Variants in ME1 observed in about 807,000 individuals in gnomAD.
ME1 encodes malic enzyme 1, also known as NADP-dependent malic enzyme.
In ME1, 74 loss-of-function variants were observed where a neutral mutation model predicts 66.4. The ratio of observed to expected loss-of-function variants is 1.11; its 90% CI spans 0.92 to 1.35. The LOEUF (loss-of-function observed/expected upper bound fraction) is 1.35. Among genes scored for constraint, ME1 ranks in the 40% most tolerant of loss-of-function variants. ME1 has a pLI of 0.00. For synonymous variants in ME1, 251 were observed against 235.6 expected (o/e 1.07, Z -0.60); for missense variants, 750 against 694.1 (o/e 1.08, Z -0.90).
chr6:83,425,358 A>G (rs1461568328), intron 1 of ME1, among the ~76,000 whole-genome samples: 3 of 152,138 alleles, frequency 2.0e-5, no homozygotes, highest in Non-Finnish European at 4.4e-5. Context: ...TTCTCATGCT[A>G]CTAATAAAGA....
At chr6:83,344,585 A>G (rs1349539407) in intron 5 of ME1, among the ~76,000 whole-genome samples, 2 of 152,058 alleles carry the variant, frequency 1.3e-5, no homozygotes, top group Non-Finnish European at 2.9e-5. Flanking sequence ...CCCTGTCTTA[A>G]AGAAAATAAA....
At chr6:83,357,902 C>CCTCTCTCTCTCTCTCTCTCTCTCTCT (rs1051682306) in intron 3 of ME1, among the ~76,000 whole-genome samples, 3 of 31,560 alleles carry the variant, frequency 9.5e-5, no homozygotes, top group African/African-American at 1.4e-4. Flanking sequence ...AATAAACTCC[C>CCTCTCTCTCTCTCTCTCTCTCTCTCT]CTCTCTCTCT....
At chr6:83,235,153 T>G (rs1396937772) in intron 9 of ME1, among the ~76,000 whole-genome samples, 1 of 152,216 alleles carries the variant, frequency 6.6e-6, no homozygotes, top group Admixed American at 6.5e-5. Context: ...ACACGTTGTC[T>G]TGATATCTTC....
intron 5 of ME1, among the ~76,000 whole-genome samples, chr6:83,333,314 C>T (rs1231645830): frequency 2.0e-5 from 3 of 152,084 alleles, no homozygotes; most frequent in Admixed American, 1.3e-4. Flanking sequence ...AACATTTTGA[C>T]TAAAATCAGT....
In ME1 at chr6:83,222,623, C is replaced by T. The variant is rs1371765060; in HGVS notation, c.1449+1137G>A. On this transcript the variant is annotated intron_variant, in intron 12 of 13. Coordinates refer to ENST00000369705, the MANE Select transcript of ME1 (RefSeq NM_002395.6). ...CATCAACCTGATGATTATCAAAAAG[C>T]TCATGATTTTATAAATATATGCCCA... Among the ~76,000 whole-genome samples, 4 of 152,252 alleles carry T rather than the reference C, an allele frequency of 2.6e-5. No individual in the cohort carries two copies. The South Asian group carries it at 6.2e-4, about 24-fold the overall frequency.
At chr6:83,265,245 T>C (rs1766968520) in intron 6 of ME1, among the ~76,000 whole-genome samples, 1 of 152,210 alleles carries the variant, frequency 6.6e-6, no homozygotes. Context: ...CATAATGCTA[T>C]TGCATACTTA....
chr6:83,347,861 A>T (rs1583393776), intron 4 of ME1, among the ~76,000 whole-genome samples: 1 of 152,188 alleles, frequency 6.6e-6, no homozygotes, highest in East Asian at 1.9e-4. Context: ...TAACTGAAAA[A>T]TCAGAGAACT....
At chr6:83,314,992 G>C (rs909540996) in intron 6 of ME1, among the ~76,000 whole-genome samples, 1 of 152,112 alleles carries the variant, frequency 6.6e-6, no homozygotes, top group Non-Finnish European at 1.5e-5. Flanking sequence ...GTCGATAAAT[G>C]TAAAAAGGTT....
At chr6:83,289,812 C>G (rs774726064) in intron 6 of ME1, among the ~76,000 whole-genome samples, 3 of 152,094 alleles carry the variant, frequency 2.0e-5, no homozygotes, top group Non-Finnish European at 4.4e-5. Context: ...ATTTCAGAAC[C>G]TGTTATTGGT....
intron 5 of ME1, among the ~76,000 whole-genome samples, chr6:83,332,868 G>A (rs1432146795): frequency 1.3e-5 from 2 of 151,856 alleles, no homozygotes; most frequent in East Asian, 1.9e-4. Flanking sequence ...ATTCATCCGT[G>A]TAACCAAAAA....
chr6:83,416,202 C>T (rs1022495111), intron 1 of ME1, among the ~76,000 whole-genome samples: 1 of 152,144 alleles, frequency 6.6e-6, no homozygotes, highest in African/African-American at 2.4e-5. Context: ...GTGTGTTTCA[C>T]TGGGTTGTTG....
At chr6:83,323,816 T>C (rs1471291682) in intron 5 of ME1, among the ~76,000 whole-genome samples, 1 of 152,186 alleles carries the variant, frequency 6.6e-6, no homozygotes, top group Non-Finnish European at 1.5e-5. Flanking sequence ...GGACTTGAAC[T>C]CAGCTTTGGA....
At chr6:83,356,096 G>A (rs1270002498) in intron 3 of ME1, among the ~76,000 whole-genome samples, 1 of 152,024 alleles carries the variant, frequency 6.6e-6, no homozygotes, top group Non-Finnish European at 1.5e-5. Flanking sequence ...ATCCCTAAAA[G>A]TTTATTTCGT....
Position 83,406,968 on chromosome 6 carries a change from T to TCATA in ME1, c.212+796_212+799dup, listed in dbSNP as rs1343038507. 6.8e-5 allele frequency among the ~76,000 whole-genome samples: 8 copies of TCATA among 117,104 alleles called. No individual in the cohort carries two copies. In the Admixed American group the frequency reaches 7.8e-4, roughly 11 times the overall value. 76.8% of individuals were successfully genotyped at this position (117,104 alleles called of 152,430 possible). On this transcript the variant is annotated intron_variant, in intron 2 of 13. Coordinates refer to ENST00000369705, the MANE Select transcript of ME1 (RefSeq NM_002395.6). ...TATCCATTTATATTTATATTTTCAT[T>TCATA]CATACACACACACACACACACACAC...
At chr6:83,368,048 G>T (rs1311426017) in intron 3 of ME1, among the ~76,000 whole-genome samples, 1 of 152,036 alleles carries the variant, frequency 6.6e-6, no homozygotes, top group African/African-American at 2.4e-5. Context: ...CAACACTGTT[G>T]TGTGTCTGGG....
chr6:83,222,918 C>CA (rs1583325810), intron 12 of ME1, among the ~76,000 whole-genome samples: 1 of 152,218 alleles, frequency 6.6e-6, no homozygotes, highest in East Asian at 1.9e-4. Context: ...AAGGCCCAGA[C>CA]AGAGCTCACT....
intron 10 of ME1, among the ~76,000 whole-genome samples, chr6:83,227,963 C>T (rs1583328410): frequency 6.6e-6 from 1 of 152,058 alleles, no homozygotes; most frequent in African/African-American, 2.4e-5. Context: ...AAATGAAAAA[C>T]AATAAGATTA....
intron 6 of ME1, among the ~76,000 whole-genome samples, chr6:83,257,863 G>A (rs1286129105): frequency 6.6e-6 from 1 of 152,130 alleles, no homozygotes; most frequent in East Asian, 1.9e-4. Context: ...TTTGGAGAGT[G>A]CTGTCATATG....
chr6:83,402,301 G>A (rs538885565), intron 2 of ME1, among the ~76,000 whole-genome samples: 1 of 152,108 alleles, frequency 6.6e-6, no homozygotes, highest in Non-Finnish European at 1.5e-5. Context: ...GGATTCATAG[G>A]TCTAGGAATC....
Sources: gnomAD v4.1 joint callset for allele counts (sites outside exome capture counted in the v4.1 genomes callset) on GRCh38, gnomAD v4.1.1 for gene constraint, MANE v1.5 for transcripts, NCBI Gene and HGNC (gene_info 2026-07-23, HGNC 2026-07-21) for gene names.